DPH6: variants seen among roughly 807,000 people sequenced by gnomAD.
DPH6 encodes the protein diphthamine biosynthesis 6, also known as diphthine--ammonia ligase.
DPH6 carries 33 observed loss-of-function variants against 38.2 expected under a neutral mutation model. That is an observed-to-expected ratio of 0.86 (90% CI 0.65 to 1.15). DPH6 has a LOEUF of 1.15. Ranked by LOEUF, DPH6 falls within the 50% of genes most tolerant of loss-of-function variation. The pLI, the probability that DPH6 is intolerant of heterozygous loss-of-function variation, is 0.00. For synonymous variants in DPH6, 108 were observed against 103.0 expected, an observed-to-expected ratio of 1.05 and a Z score of -0.30; for missense variants, 325 against 320.0, an observed-to-expected ratio of 1.02 and a Z score of -0.12.
intron 3 of DPH6, among the ~76,000 whole-genome samples, chr15:35,232,677 T>C (rs1315716603): frequency 1.3e-5 from 2 of 152,154 alleles, no homozygotes; most frequent in Non-Finnish European, 2.9e-5. Context: ...TATAGGTAAC[T>C]AAAATAAGAA....
At chr15:35,451,816 C>T (rs539165507) in intron 4 of DPH6, among the ~76,000 whole-genome samples, 2 of 152,248 alleles carry the variant, frequency 1.3e-5, no homozygotes, top group South Asian at 2.1e-4. Flanking sequence ...CGAGACCATC[C>T]TGGCTAACAC....
chr15:35,354,722 G>A (rs1185841215), intron 3 of DPH6, among the ~76,000 whole-genome samples: 3 of 152,074 alleles, frequency 2.0e-5, no homozygotes, highest in African/African-American at 7.2e-5. Context: ...TGTTCATCAG[G>A]GATATTGGTC....
rs1156669248 is a variant in DPH6, at chr15:35,538,312, C to T, written c.274G>A (p.Glu92Lys). ...RQVYTKCEGD[E>K]VEDLYELLKL... The stretch of plus-strand genomic sequence containing the variant: ...AAAAGCTCATAGAGATCTTCAACCT[C>T]ATCACCTTCACATTTGGTGTACACT... Residue 92 changes from glutamate (E) to lysine (K), a missense_variant, in exon 3 of 9, where the codon GAG becomes AAG. Transcript: ENST00000256538. 2.5e-6 allele frequency: 4 copies of T among 1,598,366 alleles called. No individual in the cohort carries two copies. The highest frequency in any genetic ancestry group is 1.3e-5 in the African/African-American group (1 of 74,856).
At chr15:35,337,192 G>T (rs142641475) in intron 3 of DPH6, among the ~76,000 whole-genome samples, 3,330 of 152,194 alleles carry the variant, frequency 0.022, 49 homozygotes, top group African/African-American at 0.043. Flanking sequence ...TATGTGTCCA[G>T]GAATTTATCC....
intron 3 of DPH6, among the ~76,000 whole-genome samples, chr15:35,279,546 G>A (rs2051884690): frequency 6.6e-6 from 1 of 152,010 alleles, no homozygotes; most frequent in African/African-American, 2.4e-5. Flanking sequence ...CCCATAAGTG[G>A]GCTCCCACTC....
intron 6 of DPH6, among the ~76,000 whole-genome samples, chr15:35,405,463 T>C (rs1213984727): frequency 6.6e-6 from 1 of 152,138 alleles, no homozygotes; most frequent in African/African-American, 2.4e-5. Context: ...TATTTGTGGC[T>C]ATTGTAAATG....
chr15:35,522,228 T>C lies in DPH6; in HGVS notation c.312+16046A>G, dbSNP rs777540536. On this transcript the variant is annotated intron_variant, in intron 3 of 8. Transcript: ENST00000256538. The stretch of plus-strand genomic sequence containing the variant: ...CCACTTTCAAATGCATGTGAAAATC[T>C]TGGAGATTCAGAGCATCATATTCAG... 32 of 1,613,136 alleles carry C rather than the reference T, an allele frequency of 2.0e-5. No homozygotes were observed. The East Asian group carries it at 6.7e-4, about 34-fold the overall frequency.
At chr15:35,274,576 G>C (rs60104757) in intron 3 of DPH6, among the ~76,000 whole-genome samples, 4,218 of 152,042 alleles carry the variant, frequency 0.028, 184 homozygotes, top group African/African-American at 0.096. Context: ...CAAAAAGTGG[G>C]CACAGGATAT....
intron 3 of DPH6, among the ~76,000 whole-genome samples, chr15:35,487,369 G>A (rs887233484): frequency 2.0e-5 from 3 of 152,206 alleles, no homozygotes; most frequent in African/African-American, 7.2e-5. Flanking sequence ...CCTGGACATC[G>A]AGGCATTTCC....
At chr15:35,322,819 C>T (rs2052251542) in intron 3 of DPH6, among the ~76,000 whole-genome samples, 1 of 151,994 alleles carries the variant, frequency 6.6e-6, no homozygotes. Context: ...CCAAACTGTT[C>T]TGTATTGTGG....
At chr15:35,323,157 T>C (rs140699167) in intron 3 of DPH6, among the ~76,000 whole-genome samples, 203 of 152,282 alleles carry the variant, frequency 1.3e-3, no homozygotes, top group African/African-American at 4.6e-3. Context: ...AGTAATTAAA[T>C]TGGATTTTTA....
At chr15:35,308,204 G>A (rs1322551722) in intron 3 of DPH6, among the ~76,000 whole-genome samples, 2 of 152,208 alleles carry the variant, frequency 1.3e-5, no homozygotes, top group East Asian at 3.9e-4. Context: ...AGGAGGTTGA[G>A]GCTGCAGTCA....
chr15:35,274,281 A>G (rs1214845963), intron 3 of DPH6, among the ~76,000 whole-genome samples: 1 of 152,256 alleles, frequency 6.6e-6, no homozygotes, highest in Non-Finnish European at 1.5e-5. Context: ...TAAGTGTAAA[A>G]CCCAAAACCA....
At chr15:35,375,967 G>A (rs561593497) in intron 7 of DPH6, among the ~76,000 whole-genome samples, 1 of 152,174 alleles carries the variant, frequency 6.6e-6, no homozygotes, top group South Asian at 2.1e-4. Flanking sequence ...TCACTAAAAG[G>A]TATACAGATA....
chr15:35,373,652 T>C lies in DPH6; in HGVS notation c.663-44A>G, dbSNP rs776317592. On this transcript the variant is annotated intron_variant, in intron 7 of 8. Coordinates refer to ENST00000256538, the MANE Select transcript of DPH6 (RefSeq NM_080650.4). The stretch of plus-strand genomic sequence containing the variant: ...ACAATACATTTATATGCTACAAAAA[T>C]TGTGACAAATCATTCCTCCTACTGA... The C allele has an allele frequency of 4.6e-6, 7 of 1,528,448 alleles. No individual in the cohort carries two copies. In the South Asian group the frequency reaches 4.7e-5, roughly 10 times the overall value. The allele number at this position is 1,528,448 out of a possible 1,614,324, so 94.7% of individuals were successfully genotyped here. A position where few individuals can be genotyped will look rare whatever the true frequency, so the allele number is the denominator to read the frequency against.
At chr15:35,367,744 G>C (rs1411603415), downstream of DPH6, among the ~76,000 whole-genome samples, 1 of 151,570 alleles carries the variant, frequency 6.6e-6, no homozygotes, top group Non-Finnish European at 1.5e-5. Flanking sequence ...AAAAGTTTAA[G>C]GGTCATCATA....
downstream of DPH6, among the ~76,000 whole-genome samples, chr15:35,368,216 A>G (rs563369150): frequency 6.6e-6 from 1 of 151,894 alleles, no homozygotes; most frequent in Non-Finnish European, 1.5e-5. Flanking sequence ...TGTAGGATTA[A>G]GTAGTTAAAA....
chr15:35,332,053 C>G (rs1017306879), intron 3 of DPH6, among the ~76,000 whole-genome samples: 1 of 152,114 alleles, frequency 6.6e-6, no homozygotes, highest in African/African-American at 2.4e-5. Context: ...ATCCTGTGCT[C>G]CAGATGCCAA....
chr15:35,349,485 G>A (rs2052491432), intron 3 of DPH6, among the ~76,000 whole-genome samples: 1 of 152,104 alleles, frequency 6.6e-6, no homozygotes, highest in African/African-American at 2.4e-5. Context: ...CACCCAGGCT[G>A]GAGTGCAGTG....
Sources: allele counts gnomAD v4.1 joint callset (sites outside exome capture counted in the v4.1 genomes callset), GRCh38; gene constraint gnomAD v4.1.1; transcripts MANE v1.5; gene names NCBI Gene and HGNC (gene_info 2026-07-23, HGNC 2026-07-21).